ANK3: variants seen among roughly 807,000 people sequenced by gnomAD.
The protein encoded by ANK3 is ankyrin 3, also known as ankyrin-3.
In ANK3, 57 loss-of-function variants were observed where a neutral mutation model predicts 370.9. That is an observed-to-expected ratio of 0.15 (90% CI 0.12 to 0.19). ANK3 has a LOEUF of 0.19. ANK3 is among the 10% of genes least tolerant of loss of function. The pLI is 1.00. For synonymous variants in ANK3, 1,929 were observed against 1,946.3 expected (o/e 0.99, Z 0.23); for missense variants, 4,439 against 5,302.1 (o/e 0.84, Z 5.06).
chr10:60,148,061 T>C (rs1212515212), intron 23 of ANK3, among the ~76,000 whole-genome samples: 1 of 152,190 alleles, frequency 6.6e-6, no homozygotes. Flanking sequence ...TCCTGTGGGA[T>C]GGCCATCAGC....
rs1191529034 is a variant in ANK3 at position 60,071,041 on chromosome 10, G to A, written c.9840C>T (p.Asp3280=). The change falls in exon 37 of 44, where the codon GAC becomes GAT. Residue 3280 remains aspartate, a synonymous_variant. Transcript: ENST00000280772. ...CATCTTGCAGATTGACTTCAATCATGTCAACCTCTTTTTCTGGGAGATAAT... is the reference window on the plus strand; with the variant it reads ...CATCTTGCAGATTGACTTCAATCATATCAACCTCTTTTTCTGGGAGATAAT... ...KHHYLPEKEV[D]MIEVNLQDEH... 1 of 1,614,150 alleles carries A rather than the reference G, an allele frequency of 6.2e-7. No individual in the cohort carries two copies. The highest frequency in any genetic ancestry group is 8.5e-7 in the Non-Finnish European group (1 of 1,180,000).
At chr10:60,699,623 A>C (rs1196089988) in intron 1 of ANK3, among the ~76,000 whole-genome samples, 1 of 152,002 alleles carries the variant, frequency 6.6e-6, no homozygotes, top group Non-Finnish European at 1.5e-5. Context: ...TAATATAATG[A>C]TCAATTTTTT....
chr10:60,638,760 G>A (rs2078590042), intron 1 of ANK3, among the ~76,000 whole-genome samples: 1 of 152,058 alleles, frequency 6.6e-6, no homozygotes, highest in Non-Finnish European at 1.5e-5. Flanking sequence ...TAGTCTAGAT[G>A]AGCTTAACAG....
chr10:60,088,101 A>G (rs373131220), intron 29 of ANK3, 46 bp downstream of exon 29: 4 of 1,505,040 alleles, frequency 2.7e-6, no homozygotes, highest in South Asian at 1.1e-5. Flanking sequence ...ATGCACTCAC[A>G]TGCTCTCTGC....
At chr10:60,175,046 T>A (rs1244559035) in intron 18 of ANK3, among the ~76,000 whole-genome samples, 1 of 152,126 alleles carries the variant, frequency 6.6e-6, no homozygotes, top group Non-Finnish European at 1.5e-5. Context: ...CAGGTTCTAT[T>A]CATCCTCATA....
At chr10:60,489,368 CAT>C (rs1187303287) in intron 2 of ANK3, among the ~76,000 whole-genome samples, 2 of 152,158 alleles carry the variant, frequency 1.3e-5, no homozygotes, top group Non-Finnish European at 2.9e-5. Flanking sequence ...GTTATTATTA[CAT>C]GTTATGTATT....
Position 60,047,645 on chromosome 10 carries a change from C to G in ANK3, c.13066-4886G>C, listed in dbSNP as rs116219236. Among the ~76,000 whole-genome samples, 550 of 152,172 alleles carry G rather than the reference C, an allele frequency of 3.6e-3. 2 individuals are homozygous for G. The highest frequency in any genetic ancestry group is 0.013 in the African/African-American group (532 of 41,528). On this transcript the variant is annotated intron_variant, in intron 42 of 43. Coordinates refer to ENST00000280772, the MANE Select transcript of ANK3 (RefSeq NM_020987.5). ...GAGTTAGCAGAAACATACATGTAAG[C>G]TCTTATTTAGAAAACCAGTAAAAAT...
chr10:60,140,177 A>G, intron 23 of ANK3: 1 of 665,152 alleles, frequency 1.5e-6, no homozygotes, highest in Non-Finnish European at 2.6e-6. Context: ...CAAGTCTAAA[A>G]ATACACTGTC....
intron 1 of ANK3, among the ~76,000 whole-genome samples, chr10:60,333,862 T>C (rs1242121797): frequency 6.6e-6 from 1 of 152,222 alleles, no homozygotes; most frequent in Non-Finnish European, 1.5e-5. Context: ...TAAAGAAAAT[T>C]TTCTTTTCTA....
intron 1 of ANK3, among the ~76,000 whole-genome samples, chr10:60,372,879 T>C (rs2060289239): frequency 6.6e-6 from 1 of 152,222 alleles, no homozygotes; most frequent in Non-Finnish European, 1.5e-5. Context: ...TTACTCACTC[T>C]AATGAAGTGA....
intron 18 of ANK3, among the ~76,000 whole-genome samples, chr10:60,177,092 GCTTCT>G (rs964977781): frequency 6.6e-6 from 1 of 152,220 alleles, no homozygotes; most frequent in African/African-American, 2.4e-5. Flanking sequence ...TGGACTTTGA[GCTTCT>G]CTTATCTGAA....
chr10:60,530,387 G>T (rs928437317), intron 2 of ANK3, among the ~76,000 whole-genome samples: 3 of 151,754 alleles, frequency 2.0e-5, no homozygotes, highest in Non-Finnish European at 4.4e-5. Context: ...ACTTATAACA[G>T]GCGAGGCACT....
chr10:60,215,170 G>A (rs2096917373), intron 8 of ANK3, among the ~76,000 whole-genome samples: 1 of 152,088 alleles, frequency 6.6e-6, no homozygotes, highest in Non-Finnish European at 1.5e-5. Flanking sequence ...CTTTTGAGAA[G>A]TGTCTGTTCA....
chr10:60,056,067 G>A, intron 41 of ANK3, 31 bp from the exon 42 acceptor site: 1 of 1,575,330 alleles, frequency 6.3e-7, no homozygotes, highest in Non-Finnish European at 8.6e-7. Flanking sequence ...ATTCACAATG[G>A]CAAACTATGA....
intron 18 of ANK3, among the ~76,000 whole-genome samples, chr10:60,173,927 G>A (rs1442725259): frequency 6.6e-6 from 1 of 152,048 alleles, no homozygotes; most frequent in Non-Finnish European, 1.5e-5. Flanking sequence ...TTAAAATAAG[G>A]ATATTCCAGA....
chr10:60,111,227 T>C (rs897984197), intron 26 of ANK3, among the ~76,000 whole-genome samples: 1 of 152,018 alleles, frequency 6.6e-6, no homozygotes, highest in Non-Finnish European at 1.5e-5. Context: ...TCAGAACCAA[T>C]GGAAAAAACA....
At chr10:60,426,414 T>A (rs2063889060) in intron 2 of ANK3, among the ~76,000 whole-genome samples, 1 of 152,116 alleles carries the variant, frequency 6.6e-6, no homozygotes, top group Non-Finnish European at 1.5e-5. Context: ...CTGTGTTTCT[T>A]TCTCATCTCA....
At chr10:60,383,992 A>C (rs2061906755) in intron 1 of ANK3, among the ~76,000 whole-genome samples, 1 of 152,214 alleles carries the variant, frequency 6.6e-6, no homozygotes, top group East Asian at 1.9e-4. Context: ...CAATAAACCC[A>C]GTGGTTAAAT....
At chr10:60,477,766 C>G (rs948478864) in intron 2 of ANK3, among the ~76,000 whole-genome samples, 2 of 151,302 alleles carry the variant, frequency 1.3e-5, no homozygotes, top group East Asian at 3.9e-4. Context: ...AACAGGTAAG[C>G]AAAAAAGGAT....
Sources: allele counts gnomAD v4.1 joint callset (sites outside exome capture counted in the v4.1 genomes callset), GRCh38; gene constraint gnomAD v4.1.1; transcripts MANE v1.5; gene names NCBI Gene and HGNC (gene_info 2026-07-23, HGNC 2026-07-21).